Variants in JMJD1C observed in about 807,000 individuals in gnomAD.
The protein encoded by JMJD1C is jumonji domain-containing protein 1C.
JMJD1C carries 31 observed loss-of-function variants against 245.3 expected under a neutral mutation model. The ratio of observed to expected loss-of-function variants is 0.13; its 90% confidence interval spans 0.09 to 0.17. JMJD1C has a LOEUF of 0.17. Ranked by LOEUF, JMJD1C falls within the 10% of genes least tolerant of loss-of-function variation. The probability of loss-of-function intolerance (pLI) is 1.00; values close to 1 mark genes in which losing one functional copy is unlikely to be tolerated. For synonymous variants in JMJD1C, 1,057 were observed against 1,017.4 expected (o/e 1.04, Z -0.74); for missense variants, 2,691 against 3,000.2 (o/e 0.90, Z 2.41).
intron 1 of JMJD1C, among the ~76,000 whole-genome samples, chr10:63,411,595 G>A (rs1046570982): frequency 1.4e-4 from 21 of 147,628 alleles, no homozygotes; most frequent in African/African-American, 4.9e-4. Context: ...CACCACACTC[G>A]GCCTGATTTT....
chr10:63,180,657 G>C (rs1443247595), intron 22 of JMJD1C, among the ~76,000 whole-genome samples: 1 of 152,036 alleles, frequency 6.6e-6, no homozygotes, highest in Non-Finnish European at 1.5e-5. Flanking sequence ...GGATGGAGTA[G>C]AGTGGCACCA....
rs780898671 is a variant in JMJD1C, at chr10:63,197,545, C to T, written c.5510G>A (p.Arg1837Lys). ...VKKDAKIAWK[R>K]AVRGVREMCD... ...CATCTCCCGGACTCCTCTCACTGCT[C>T]TTTTCCAGGCAATTTTGGCTGAAAT... Residue 1837 changes from arginine to lysine, a missense_variant, in exon 13 of 26, where the codon AGA (arginine) becomes AAA (lysine). Arg to Lys is a conservative substitution (Grantham distance 26). Transcript: ENST00000399262. 5 of 1,548,690 alleles carry T rather than the reference C, an allele frequency of 3.2e-6. No individual in the cohort carries two copies. The highest frequency in any genetic ancestry group is 3.5e-6 in the Non-Finnish European group (4 of 1,152,102).
At chr10:63,219,565 T>C (rs1443765304) in intron 4 of JMJD1C, among the ~76,000 whole-genome samples, 1 of 152,202 alleles carries the variant, frequency 6.6e-6, no homozygotes, top group African/African-American at 2.4e-5. Context: ...AACCCTCTAC[T>C]GCAAACAATG....
Position 63,449,317 on chromosome 10 carries a change from C to G in JMJD1C, c.168+16178G>C, listed in dbSNP as rs141636582. ...AAATAAATATTATATTTCCATTGAT[C>G]ATAATGATAAAACAAAAGACATGAT... On this transcript the variant is annotated intron_variant, in intron 1 of 25. Coordinates refer to ENST00000399262, the MANE Select transcript of JMJD1C (RefSeq NM_032776.3). 4.3e-3 allele frequency among the ~76,000 whole-genome samples: 646 copies of G among 151,980 alleles called. 6 individuals carry two copies. Among genetic ancestry groups the G allele is most frequent in the Non-Finnish European group, 6.9e-3 (466 of 67,938 alleles).
intron 2 of JMJD1C, chr10:63,301,752 G>A (rs778072480): frequency 8.0e-5 from 36 of 451,652 alleles, no homozygotes; most frequent in Admixed American, 6.2e-4. Context: ...ACCATGGCAC[G>A]TGTATACATA....
chr10:63,391,508 TCAACAACAACAA>T (rs140504932), intron 1 of JMJD1C, among the ~76,000 whole-genome samples: 2 of 149,286 alleles, frequency 1.3e-5, no homozygotes, highest in African/African-American at 5.0e-5. Context: ...AGACTCCGTC[TCAACAACAACAA>T]CAACAACAAC....
At chr10:63,452,217 T>C (rs1952114772) in intron 1 of JMJD1C, among the ~76,000 whole-genome samples, 1 of 152,168 alleles carries the variant, frequency 6.6e-6, no homozygotes, top group Admixed American at 6.5e-5. Flanking sequence ...ATAACCAGAA[T>C]ATGTAAAGAA....
At chr10:63,257,226 C>CAAA (rs71025139) in intron 3 of JMJD1C, among the ~76,000 whole-genome samples, 6 of 92,606 alleles carry the variant, frequency 6.5e-5, no homozygotes, top group East Asian at 3.6e-4. Context: ...GACTTCATCT[C>CAAA]AAAAAAAAAA....
intron 1 of JMJD1C, among the ~76,000 whole-genome samples, chr10:63,411,872 G>A (rs1340538434): frequency 4.6e-5 from 7 of 151,636 alleles, no homozygotes; most frequent in Non-Finnish European, 2.9e-5. Flanking sequence ...CAAAGTGCTG[G>A]GATTACAGGC....
chr10:63,479,336 G>T (rs1404177255), intron 1 of JMJD1C, among the ~76,000 whole-genome samples: 1 of 150,458 alleles, frequency 6.6e-6, no homozygotes, highest in Admixed American at 6.6e-5. Flanking sequence ...TCTCACCCAG[G>T]AATAGTAAAG....
Position 63,465,913 on chromosome 10 carries a change from A to C in JMJD1C, c.-251T>G. Reference sequence around the variant, plus strand: ...CGCCACACAAGAAAACTGAAACAAAACCCAACGCGGCCGTCGAAGACCCCG... The same window carrying C: ...CGCCACACAAGAAAACTGAAACAAACCCCAACGCGGCCGTCGAAGACCCCG... On this transcript the variant is annotated 5_prime_UTR_variant, in exon 1 of 26. Transcript: ENST00000399262. 1.6e-6 allele frequency: 1 copy of C among 622,212 alleles called. No individual in the cohort carries two copies. Among genetic ancestry groups the C allele is most frequent in the Non-Finnish European group, 2.9e-6 (1 of 340,176 alleles). 38.5% of individuals were successfully genotyped at this position (622,212 alleles called of 1,614,324 possible). A position where few individuals can be genotyped will look rare whatever the true frequency, so the allele number is the denominator to read the frequency against.
intron 10 of JMJD1C, chr10:63,204,850 G>T (rs1214734600): frequency 1.0e-6 from 1 of 985,040 alleles, no homozygotes; most frequent in African/African-American, 1.7e-5. Context: ...TTTGCCTCTG[G>T]TTTCCACACA....
intron 2 of JMJD1C, among the ~76,000 whole-genome samples, chr10:63,276,289 A>AC (rs1364000202): frequency 5.9e-5 from 9 of 151,802 alleles, no homozygotes; most frequent in Non-Finnish European, 8.8e-5. Flanking sequence ...AAACGGTGAA[A>AC]CCCCGTCTCT....
At chr10:63,329,081 A>C (rs909091876) in intron 2 of JMJD1C, among the ~76,000 whole-genome samples, 1 of 152,170 alleles carries the variant, frequency 6.6e-6, no homozygotes, top group African/African-American at 2.4e-5. Context: ...CAGGAGTTCA[A>C]GACCAGCCTG....
chr10:63,211,708 G>A (rs761846904), intron 8 of JMJD1C, among the ~76,000 whole-genome samples: 6 of 150,036 alleles, frequency 4.0e-5, no homozygotes, highest in Non-Finnish European at 7.4e-5. Context: ...ACTTCAGAAA[G>A]CTGTCAAAAA....
intron 1 of JMJD1C, among the ~76,000 whole-genome samples, chr10:63,514,992 C>A (rs931264659): frequency 5.9e-5 from 9 of 151,640 alleles, no homozygotes; most frequent in Admixed American, 3.3e-4. Context: ...TTTTGTAATG[C>A]AGTACTAGGG....
rs568842587 is a variant in JMJD1C at position 63,225,355 on chromosome 10, A to G, written c.448-5372T>C. On this transcript the variant is annotated intron_variant, in intron 3 of 25. Transcript: ENST00000399262. ...TATTAGAAATGTATACAGAACACAGAAAAAGTTCAAAAAACATCTTAAATG... is the reference window on the plus strand; with the variant it reads ...TATTAGAAATGTATACAGAACACAGGAAAAGTTCAAAAAACATCTTAAATG... 7.2e-5 allele frequency among the ~76,000 whole-genome samples: 11 copies of G among 152,320 alleles called. No individual in the cohort carries two copies. The East Asian group carries it at 1.4e-3, about 19-fold the overall frequency.
intron 1 of JMJD1C, among the ~76,000 whole-genome samples, chr10:63,401,192 A>AT (rs201769773): frequency 5.3e-5 from 8 of 151,634 alleles, no homozygotes; most frequent in South Asian, 4.2e-4. Flanking sequence ...CTTCAGGTCA[A>AT]TTTTTTTTTA....
chr10:63,519,667 T>G (rs368696099), intron 1 of JMJD1C, among the ~76,000 whole-genome samples: 10 of 152,320 alleles, frequency 6.6e-5, no homozygotes, highest in African/African-American at 2.4e-4. Flanking sequence ...GATGTCTTCA[T>G]GGCACAGGCC....
Sources: allele counts gnomAD v4.1 joint callset (sites outside exome capture counted in the v4.1 genomes callset), GRCh38; gene constraint gnomAD v4.1.1; transcripts MANE v1.5; gene names NCBI Gene and HGNC (gene_info 2026-07-23, HGNC 2026-07-21).